XRRA1: variants seen among roughly 807,000 people sequenced by gnomAD.
XRRA1 encodes the protein X-ray radiation resistance associated 1.
In XRRA1, 69 loss-of-function variants were observed where a neutral mutation model predicts 80.2. The ratio of observed to expected loss-of-function variants is 0.86; its 90% CI spans 0.71 to 1.05. The LOEUF (loss-of-function observed/expected upper bound fraction) is 1.05. XRRA1 is among the 50% of genes least tolerant of loss of function. XRRA1 has a pLI of 0.00. For synonymous variants in XRRA1, 348 were observed against 389.9 expected, an observed-to-expected ratio of 0.89 and a Z score of 1.27; for missense variants, 967 against 976.4, an observed-to-expected ratio of 0.99 and a Z score of 0.13.
chr11:74,848,263 G>T lies in XRRA1; in HGVS notation c.1580C>A (p.Thr527Asn), dbSNP rs1234686928. 1.2e-6 allele frequency: 2 copies of T among 1,613,928 alleles called. No individual in the cohort carries two copies. Among genetic ancestry groups the T allele is most frequent in the South Asian group, 2.2e-5 (2 of 91,066 alleles). Residue 527 changes from threonine (T) to asparagine (N), a missense_variant, in exon 15 of 19, where the codon ACC becomes AAC. By Grantham distance (65) the Thr-to-Asn change is moderately conservative. Coordinates refer to ENST00000684022, the MANE Select transcript of XRRA1 (RefSeq NM_001378157.1). Reference protein sequence around the residue: ...NLEGHSPSCRTFVPLPPICSN... With the variant: ...NLEGHSPSCRNFVPLPPICSN... The stretch of plus-strand genomic sequence containing the variant: ...GCAGATGGGAGGCAGTGGCACGAAG[G>T]TCCGGCAAGACGGGGAATGGCCTTC...
intron 6 of XRRA1, among the ~76,000 whole-genome samples, chr11:74,929,172 C>T (rs984723406): frequency 2.0e-5 from 3 of 152,172 alleles, no homozygotes; most frequent in Non-Finnish European, 4.4e-5. Context: ...CTCTGACTTG[C>T]CTTTTCTCTA....
intron 11 of XRRA1, among the ~76,000 whole-genome samples, chr11:74,859,730 T>TG (rs2041928557): frequency 6.6e-6 from 1 of 151,842 alleles, no homozygotes; most frequent in South Asian, 2.1e-4. Context: ...GAGGGAGGTG[T>TG]TTTGAGCCTT....
Position 74,932,333 on chromosome 11 carries a change from G to A in XRRA1, c.351+1468C>T, listed in dbSNP as rs371923036. ...CCACCCTCTCCAGGGTGTGTTTCCT[G>A]TGTAAGGCTGAGTCAGGGGCCTGTC... On this transcript the variant is annotated intron_variant, in intron 5 of 18. Coordinates refer to ENST00000684022, the MANE Select transcript of XRRA1 (RefSeq NM_001378157.1). 1.1e-4 allele frequency among the ~76,000 whole-genome samples: 16 copies of A among 152,312 alleles called. 1 individual carries two copies. The East Asian group carries it at 2.9e-3, about 28-fold the overall frequency.
chr11:74,921,087 G>A (rs1591431082), intron 8 of XRRA1, 127 bp downstream of exon 8: 1 of 1,265,706 alleles, frequency 7.9e-7, no homozygotes, highest in Non-Finnish European at 1.1e-6. Context: ...GGGAGCTTCA[G>A]TAGGTGCCAT....
intron 6 of XRRA1, among the ~76,000 whole-genome samples, chr11:74,928,295 C>T (rs1328078091): frequency 1.3e-5 from 2 of 152,214 alleles, no homozygotes; most frequent in Admixed American, 6.5e-5. Context: ...TGGCAAATTA[C>T]ATCTGGGCTA....
At chr11:74,870,991 C>G (rs2044646808) in intron 10 of XRRA1, among the ~76,000 whole-genome samples, 1 of 152,174 alleles carries the variant, frequency 6.6e-6, no homozygotes, top group African/African-American at 2.4e-5. Context: ...GAACCACTGC[C>G]TAACAATAAA....
intron 12 of XRRA1, among the ~76,000 whole-genome samples, chr11:74,855,775 A>C (rs2135724983): frequency 6.6e-6 from 1 of 152,336 alleles, no homozygotes; most frequent in South Asian, 2.1e-4. Context: ...ATTTATTTTG[A>C]AGTTTGTAAC....
chr11:74,879,792 G>C (rs1187295871), intron 10 of XRRA1, among the ~76,000 whole-genome samples: 1 of 148,826 alleles, frequency 6.7e-6, no homozygotes, highest in South Asian at 2.1e-4. Flanking sequence ...TATTGAACCA[G>C]CCTTGCATCC....
chr11:74,904,346 C>G (rs2054132552), intron 10 of XRRA1, among the ~76,000 whole-genome samples: 1 of 151,898 alleles, frequency 6.6e-6, no homozygotes, highest in Non-Finnish European at 1.5e-5. Flanking sequence ...GTGGTCCCAG[C>G]TACTTGGGAG....
chr11:74,855,536 C>T (rs1265196937), intron 12 of XRRA1, among the ~76,000 whole-genome samples: 2 of 152,118 alleles, frequency 1.3e-5, no homozygotes, highest in Admixed American at 1.3e-4. Flanking sequence ...TGTTCTCTCT[C>T]GGGTGAGCTG....
chr11:74,937,330 G>A (rs534239037), intron 3 of XRRA1, among the ~76,000 whole-genome samples: 4 of 152,214 alleles, frequency 2.6e-5, no homozygotes, highest in East Asian at 1.9e-4. Flanking sequence ...ATGACTTGCC[G>A]AATTCCTTCC....
At chr11:74,897,608 AG>A (rs904256763) in intron 10 of XRRA1, among the ~76,000 whole-genome samples, 1 of 151,968 alleles carries the variant, frequency 6.6e-6, no homozygotes, top group African/African-American at 2.4e-5. Flanking sequence ...GTAAGAGATA[AG>A]AAACAACATA....
At chr11:74,900,744 A>G (rs1237649248) in intron 10 of XRRA1, among the ~76,000 whole-genome samples, 1 of 152,264 alleles carries the variant, frequency 6.6e-6, no homozygotes, top group Non-Finnish European at 1.5e-5. Flanking sequence ...AGCATTTGAT[A>G]TAGTTCAACA....
At chr11:74,901,837 T>C (rs553072836) in intron 10 of XRRA1, among the ~76,000 whole-genome samples, 46 of 152,308 alleles carry the variant, frequency 3.0e-4, no homozygotes, top group African/African-American at 1.1e-3. Flanking sequence ...TTGAGGAAAC[T>C]TTCCAGGACA....
In XRRA1 at chr11:74,942,628, C is replaced by T. The variant is rs546717684; in HGVS notation, c.-4-1746G>A. Among the ~76,000 whole-genome samples the T allele has an allele frequency of 5.2e-4, 79 of 152,310 alleles. 1 individual carries two copies. In the South Asian group the frequency reaches 0.015, roughly 30 times the overall value. ...CACTACCAAGAATAAATTCTGGAAGCTCACTGCATGGGTTCAGATCCTAGC... is the reference window on the plus strand; with the variant it reads ...CACTACCAAGAATAAATTCTGGAAGTTCACTGCATGGGTTCAGATCCTAGC... On this transcript the variant is annotated intron_variant, in intron 2 of 18. Coordinates refer to ENST00000684022, the MANE Select transcript of XRRA1 (RefSeq NM_001378157.1).
intron 8 of XRRA1, among the ~76,000 whole-genome samples, chr11:74,914,798 T>C (rs966771060): frequency 1.3e-5 from 2 of 151,680 alleles, no homozygotes; most frequent in African/African-American, 4.9e-5. Flanking sequence ...TATGTGATCA[T>C]GCAACCTGAG....
rs989772461 is a variant in XRRA1, at chr11:74,915,677, A to G, written c.656+5537T>C. 5.6e-4 allele frequency among the ~76,000 whole-genome samples: 85 copies of G among 152,164 alleles called. 1 individual carries two copies. The highest frequency in any genetic ancestry group is 3.3e-4 in the Admixed American group (5 of 15,278). ...TATAGATTTGCCTTCCCTGCCCACA[A>G]TGTTCTACAAGTGGAATAGAAACTG... On this transcript the variant is annotated intron_variant, in intron 8 of 18. Transcript: ENST00000684022.
chr11:74,900,457 C>T (rs1477009838), intron 10 of XRRA1, among the ~76,000 whole-genome samples: 2 of 152,154 alleles, frequency 1.3e-5, no homozygotes, highest in East Asian at 3.9e-4. Flanking sequence ...TGGCATATGC[C>T]TGTAATCCCA....
At chr11:74,919,696 G>T in intron 8 of XRRA1, 1 of 517,414 alleles carries the variant, frequency 1.9e-6, no homozygotes, top group Non-Finnish European at 3.8e-6. Context: ...CATGGAGTGG[G>T]CTTCAAGAAG....
Sources: allele counts gnomAD v4.1 joint callset (sites outside exome capture counted in the v4.1 genomes callset), GRCh38; gene constraint gnomAD v4.1.1; transcripts MANE v1.5; gene names NCBI Gene and HGNC (gene_info 2026-07-23, HGNC 2026-07-21).